The following NFKB1 variants were observed in gnomAD, a reference collection of about 807,000 sequenced individuals.
NFKB1 encodes the protein nuclear factor NF-kappa-B p105 subunit.
Under a neutral mutation model 105.1 loss-of-function variants are expected in NFKB1, and 9 were observed. The observed-to-expected ratio is 0.09, with a 90% CI of 0.05 to 0.15. NFKB1 has a LOEUF of 0.15. NFKB1 is among the 10% of genes least tolerant of loss of function. The probability of loss-of-function intolerance (pLI) is 1.00; values close to 1 mark genes in which losing one functional copy is unlikely to be tolerated. For synonymous variants in NFKB1, 440 were observed against 442.2 expected (o/e 1.00, Z 0.06); for missense variants, 830 against 1,203.7 (o/e 0.69, Z 4.59).
At chr4:102,573,190 C>A (rs113739545) in intron 6 of NFKB1, among the ~76,000 whole-genome samples, 1,750 of 152,180 alleles carry the variant, frequency 0.011, 41 homozygotes, top group African/African-American at 0.039. Flanking sequence ...TGCCTGTAAT[C>A]CCAGCTACTC....
At chr4:102,587,867 T>C (rs1183624307) in intron 11 of NFKB1, among the ~76,000 whole-genome samples, 1 of 152,018 alleles carries the variant, frequency 6.6e-6, no homozygotes, top group African/African-American at 2.4e-5. Context: ...GTCAGAAAAG[T>C]AGTAGGCCAT....
At chr4:102,532,410 C>T (rs1284633894) in intron 3 of NFKB1, among the ~76,000 whole-genome samples, 8 of 152,118 alleles carry the variant, frequency 5.3e-5, no homozygotes, top group African/African-American at 1.4e-4. Flanking sequence ...AGGTAGATCA[C>T]GAGCTCAGGA....
intron 19 of NFKB1, 145 bp from the exon 20 acceptor site, chr4:102,610,430 G>A (rs896328031): frequency 9.3e-6 from 7 of 756,344 alleles, no homozygotes; most frequent in South Asian, 7.7e-5. Flanking sequence ...GGATATTCCA[G>A]TAGAAATGTT....
chr4:102,609,611 C>CAAAAAAAAAAAAAAA, intron 19 of NFKB1, among the ~76,000 whole-genome samples: 1 of 64,262 alleles, frequency 1.6e-5, no homozygotes, highest in African/African-American at 6.1e-5. Context: ...GACTCCATCT[C>CAAAAAAAAAAAAAAA]AAAAAAAAAA....
At chr4:102,504,605 G>A (rs995719672) in intron 1 of NFKB1, among the ~76,000 whole-genome samples, 2 of 152,154 alleles carry the variant, frequency 1.3e-5, no homozygotes, top group African/African-American at 4.8e-5. Flanking sequence ...TGATGACTAC[G>A]TCTTGGTAAA....
chr4:102,571,436 G>C (rs1463728968), intron 6 of NFKB1, among the ~76,000 whole-genome samples: 1 of 152,212 alleles, frequency 6.6e-6, no homozygotes, highest in Non-Finnish European at 1.5e-5. Flanking sequence ...AAGACTTCAT[G>C]ACTAAAACAC....
intron 2 of NFKB1, among the ~76,000 whole-genome samples, chr4:102,525,869 T>A (rs1560641933): frequency 6.6e-6 from 1 of 152,170 alleles, no homozygotes; most frequent in South Asian, 2.1e-4. Flanking sequence ...AAATACATTA[T>A]TTCACAGTTC....
At chr4:102,595,733 C>T (rs149757067) in intron 13 of NFKB1, among the ~76,000 whole-genome samples, 7 of 152,300 alleles carry the variant, frequency 4.6e-5, no homozygotes, top group African/African-American at 1.4e-4. Context: ...GAATGGTACA[C>T]TGGATAACTC....
intron 5 of NFKB1, among the ~76,000 whole-genome samples, chr4:102,544,840 A>G (rs1363979281): frequency 6.6e-6 from 1 of 152,176 alleles, no homozygotes; most frequent in Non-Finnish European, 1.5e-5. Context: ...CCTTGAATTT[A>G]AGAACTGTCT....
chr4:102,512,823 A>G (rs901312677), intron 1 of NFKB1, among the ~76,000 whole-genome samples: 1 of 152,226 alleles, frequency 6.6e-6, no homozygotes, highest in Non-Finnish European at 1.5e-5. Context: ...CCATGTTCAT[A>G]GGACCAAACA....
intron 1 of NFKB1, among the ~76,000 whole-genome samples, chr4:102,505,441 TTTAA>T (rs1739359495): frequency 1.3e-5 from 2 of 152,264 alleles, no homozygotes; most frequent in Non-Finnish European, 2.9e-5. Context: ...TTTCATCTGC[TTTAA>T]TTTATTGCCT....
At chr4:102,580,063 A>C in intron 8 of NFKB1, among the ~76,000 whole-genome samples, 1 of 152,202 alleles carries the variant, frequency 6.6e-6, no homozygotes, top group Non-Finnish European at 1.5e-5. Flanking sequence ...AAAAAGAAAC[A>C]TAACATCCCC....
intron 1 of NFKB1, among the ~76,000 whole-genome samples, chr4:102,507,903 G>A (rs1447064760): frequency 6.6e-6 from 1 of 152,064 alleles, no homozygotes; most frequent in Non-Finnish European, 1.5e-5. Context: ...ATGTAAAAAA[G>A]AAAACATAAA....
intron 1 of NFKB1, among the ~76,000 whole-genome samples, chr4:102,522,319 C>T (rs890616527): frequency 6.6e-6 from 1 of 151,996 alleles, no homozygotes; most frequent in African/African-American, 2.4e-5. Context: ...TTACTGTTAC[C>T]TCAGCTCTTT....
chr4:102,563,412 G>A (rs1033780808), intron 5 of NFKB1, among the ~76,000 whole-genome samples: 10 of 151,788 alleles, frequency 6.6e-5, no homozygotes, highest in Admixed American at 2.0e-4. Context: ...TAAATCAGTC[G>A]TTTATTCCAG....
intron 1 of NFKB1, among the ~76,000 whole-genome samples, chr4:102,523,706 A>G (rs545125559): frequency 6.6e-6 from 1 of 152,238 alleles, no homozygotes; most frequent in African/African-American, 2.4e-5. Flanking sequence ...CCTCTCATTT[A>G]TCTGCCATCC....
intron 16 of NFKB1, among the ~76,000 whole-genome samples, chr4:102,606,191 C>G (rs967805677): frequency 2.6e-5 from 4 of 152,070 alleles, no homozygotes; most frequent in Non-Finnish European, 5.9e-5. Flanking sequence ...ATGTTGTAAA[C>G]TTAGATTAAA....
chr4:102,586,936 G>A (rs898415213), intron 11 of NFKB1, among the ~76,000 whole-genome samples: 3 of 152,234 alleles, frequency 2.0e-5, no homozygotes, highest in African/African-American at 7.2e-5. Flanking sequence ...CCACAGGAGT[G>A]TTTAGAAAAC....
At chr4:102,526,475 T>C (rs1209209163) in intron 2 of NFKB1, among the ~76,000 whole-genome samples, 5 of 152,124 alleles carry the variant, frequency 3.3e-5, no homozygotes. Flanking sequence ...TGTAACAAAA[T>C]TGCACTTGTA....
Sources: allele counts gnomAD v4.1 joint callset (sites outside exome capture counted in the v4.1 genomes callset), GRCh38; gene constraint gnomAD v4.1.1; transcripts MANE v1.5; gene names NCBI Gene and HGNC (gene_info 2026-07-23, HGNC 2026-07-21).